The following AGL variants were observed in gnomAD, a reference collection of about 807,000 sequenced individuals.
The protein encoded by AGL is amylo-alpha-1,6-glucosidase and 4-alpha-glucanotransferase.
AGL carries 128 observed loss-of-function variants against 199.3 expected under a neutral mutation model. That is an observed-to-expected ratio of 0.64 (90% confidence interval 0.56 to 0.74). AGL has a LOEUF of 0.74. AGL is among the 30% of genes least tolerant of loss of function. AGL has a pLI of 0.00. For synonymous variants in AGL, 584 were observed against 594.7 expected (o/e 0.98, Z 0.26); for missense variants, 1,809 against 1,820.8 (o/e 0.99, Z 0.12).
At chr1:99,854,094 T>C (rs551078339) in intron 2 of AGL, among the ~76,000 whole-genome samples, 7 of 152,150 alleles carry the variant, frequency 4.6e-5, no homozygotes, top group Non-Finnish European at 5.9e-5. Context: ...CCTGGGAGGC[T>C]GAGGCAGGAG....
chr1:99,875,290 G>A (rs1651424343), intron 9 of AGL, 34 bp downstream of exon 9: 4 of 1,611,256 alleles, frequency 2.5e-6, no homozygotes, highest in Non-Finnish European at 3.4e-6. Flanking sequence ...GCTTTTCCTT[G>A]CATCTTACTA....
At position 99,875,150 on chromosome 1, in the gene AGL, C is replaced by T. The variant is rs750423236; in HGVS notation, c.1083-4C>T. 1.9e-6 allele frequency: 3 copies of T among 1,612,406 alleles called. No homozygotes were observed. The African/African-American group carries it at 4.0e-5, about 22-fold the overall frequency. ...TTATATCTGCATTTCTCCATCTGCTCTAGCAAGGGGCCAGCAGCAATTGAA... is the reference window on the plus strand; with the variant it reads ...TTATATCTGCATTTCTCCATCTGCTTTAGCAAGGGGCCAGCAGCAATTGAA... On this transcript the variant is annotated splice_region_variant and splice_polypyrimidine_tract_variant and intron_variant, in intron 8 of 33. Coordinates refer to ENST00000361915, the MANE Select transcript of AGL (RefSeq NM_000642.3).
intron 25 of AGL, among the ~76,000 whole-genome samples, chr1:99,897,115 G>A (rs569620053): frequency 5.3e-5 from 8 of 152,038 alleles, no homozygotes; most frequent in Non-Finnish European, 1.2e-4. Flanking sequence ...GTGCCCGGCC[G>A]TAAAATGGTA....
chr1:99,857,749 C>T (rs866234277), intron 2 of AGL, among the ~76,000 whole-genome samples: 4 of 147,806 alleles, frequency 2.7e-5, no homozygotes, highest in East Asian at 2.0e-4. Flanking sequence ...TGCAGTGAGC[C>T]GAGATGGCGG....
chr1:99,880,128 A>G, intron 13 of AGL, 82 bp downstream of exon 13: 1 of 1,568,048 alleles, frequency 6.4e-7, no homozygotes, highest in East Asian at 2.3e-5. Context: ...TTCATATGCA[A>G]TGCTTAATAA....
intron 30 of AGL, among the ~76,000 whole-genome samples, chr1:99,915,070 C>A (rs1655014933): frequency 6.6e-6 from 1 of 152,070 alleles, no homozygotes; most frequent in Non-Finnish European, 1.5e-5. Flanking sequence ...CAGAGTGAGA[C>A]CCTGTCTCCA....
At chr1:99,899,487 C>G (rs528003311) in intron 25 of AGL, among the ~76,000 whole-genome samples, 2 of 152,046 alleles carry the variant, frequency 1.3e-5, no homozygotes, top group South Asian at 4.2e-4. Flanking sequence ...TTTTCAAGGT[C>G]AGCTTCTACC....
intron 12 of AGL, among the ~76,000 whole-genome samples, chr1:99,879,438 G>T (rs1375289946): frequency 6.6e-6 from 1 of 152,076 alleles, no homozygotes; most frequent in African/African-American, 2.4e-5. Flanking sequence ...TACAAAATTA[G>T]CTGGGTGTGG....
intron 25 of AGL, 129 bp from the exon 26 acceptor site, chr1:99,900,507 T>C (rs1246314263): frequency 2.3e-6 from 2 of 861,320 alleles, no homozygotes; most frequent in South Asian, 1.5e-5. Flanking sequence ...ACTTTCTACA[T>C]GAAAATATAA....
chr1:99,880,887 C>A, intron 14 of AGL, 92 bp downstream of exon 14: 1 of 1,442,732 alleles, frequency 6.9e-7, no homozygotes, highest in Non-Finnish European at 9.7e-7. Flanking sequence ...CCATATACTT[C>A]AAAATAGTGT....
chr1:99,896,443 A>G, intron 25 of AGL, 55 bp downstream of exon 25: 5 of 1,295,892 alleles, frequency 3.9e-6, no homozygotes, highest in Middle Eastern at 3.7e-4. Flanking sequence ...TGTCTTTTAC[A>G]TGCTCTTCAA....
intron 33 of AGL, among the ~76,000 whole-genome samples, chr1:99,918,143 A>G (rs937251367): frequency 2.6e-5 from 4 of 152,150 alleles, no homozygotes; most frequent in African/African-American, 9.7e-5. Flanking sequence ...TTTATTTTAA[A>G]GATATTTTCA....
At chr1:99,894,134 G>A (rs1177685113) in intron 24 of AGL, among the ~76,000 whole-genome samples, 1 of 151,734 alleles carries the variant, frequency 6.6e-6, no homozygotes, top group African/African-American at 2.4e-5. Context: ...GCTGCAGTGA[G>A]CTATGATCAC....
At chr1:99,877,224 C>G (rs1230241027) in intron 11 of AGL, among the ~76,000 whole-genome samples, 1 of 151,974 alleles carries the variant, frequency 6.6e-6, no homozygotes, top group Non-Finnish European at 1.5e-5. Context: ...CCTCTTTTTT[C>G]TAGCCATTCT....
chr1:99,865,421 G>C (rs1200837289), intron 5 of AGL, among the ~76,000 whole-genome samples: 2 of 152,184 alleles, frequency 1.3e-5, no homozygotes, highest in African/African-American at 4.8e-5. Context: ...TCTTCTACAT[G>C]TTAAAAGAGC....
Position 99,884,681 on chromosome 1 carries a change from A to G in AGL, c.2659A>G (p.Ile887Val), listed in dbSNP as rs1652315138. 2 of 1,614,006 alleles carry G rather than the reference A, an allele frequency of 1.2e-6. No individual in the cohort carries two copies. Among genetic ancestry groups the G allele is most frequent in the East Asian group, 2.2e-5 (1 of 44,868 alleles). ...GSLAVDNADP[I>V]LKIPFASLAS... ...CCTAGCTGTTGACAATGCAGATCCT[A>G]TATTAAAAATTCCTTTTGCTTCGTA... Residue 887 changes from isoleucine (I) to valine (V), a missense_variant, in exon 20 of 34, where the codon ATA (isoleucine) becomes GTA (valine). By Grantham distance (29) the Ile-to-Val change is conservative (BLOSUM62 3). Transcript: ENST00000361915.
intron 33 of AGL, among the ~76,000 whole-genome samples, chr1:99,921,313 G>A (rs912705587): frequency 1.3e-5 from 2 of 152,058 alleles, no homozygotes; most frequent in African/African-American, 4.8e-5. Context: ...AATACATAAA[G>A]GGATTCCTTG....
In AGL at chr1:99,896,637, T is replaced by C. The variant is rs112267398; in HGVS notation, c.3362+249T>C. Among the ~76,000 whole-genome samples, 684 of 152,318 alleles carry C rather than the reference T, an allele frequency of 4.5e-3. 6 individuals carry two copies. Among genetic ancestry groups the C allele is most frequent in the African/African-American group, 0.016 (656 of 41,566 alleles). The stretch of plus-strand genomic sequence containing the variant: ...AGGTTATCTTTAGCATTAGCTAATT[T>C]ATTTCAACAAAACTAAAAATGTTAT... On this transcript the variant is annotated intron_variant, in intron 25 of 33. Transcript: ENST00000361915.
At chr1:99,866,493 G>GTA (rs1650521515) in intron 5 of AGL, among the ~76,000 whole-genome samples, 1 of 152,130 alleles carries the variant, frequency 6.6e-6, no homozygotes, top group Non-Finnish European at 1.5e-5. Context: ...GTCTTTTTGG[G>GTA]TATGATATGA....
Sources: gnomAD v4.1 joint callset for allele counts (sites outside exome capture counted in the v4.1 genomes callset) on GRCh38, gnomAD v4.1.1 for gene constraint, MANE v1.5 for transcripts, NCBI Gene and HGNC (gene_info 2026-07-23, HGNC 2026-07-21) for gene names.